The following RNGTT variants were observed in gnomAD, a reference collection of about 807,000 sequenced individuals.
RNGTT encodes mRNA-capping enzyme.
In RNGTT, 33 loss-of-function variants were observed where a neutral mutation model predicts 79.3. That is an observed-to-expected ratio of 0.42 (90% CI 0.32 to 0.56). The LOEUF is 0.56. Among genes scored for constraint, RNGTT ranks in the 20% least tolerant of loss-of-function variants. RNGTT has a pLI of 0.17. For missense variants in RNGTT, 497 were observed against 739.1 expected (o/e 0.67, Z 3.80); for synonymous variants, 222 against 235.9 (o/e 0.94, Z 0.54).
intron 14 of RNGTT, among the ~76,000 whole-genome samples, chr6:88,644,349 G>A (rs1185479120): frequency 2.0e-5 from 3 of 152,074 alleles, no homozygotes; most frequent in South Asian, 4.1e-4. Flanking sequence ...CTGAAATTGA[G>A]GCAATAATTA....
chr6:88,890,894 T>A (rs1410227606), intron 7 of RNGTT, among the ~76,000 whole-genome samples: 1 of 152,194 alleles, frequency 6.6e-6, no homozygotes, highest in Non-Finnish European at 1.5e-5. Context: ...TGTTTACAAG[T>A]CTTGTACTTC....
intron 13 of RNGTT, among the ~76,000 whole-genome samples, chr6:88,698,084 GATATATATATGAAATACATATATATGAT>G (rs1775764911): frequency 1.3e-5 from 1 of 75,864 alleles, no homozygotes; most frequent in African/African-American, 1.5e-4. Flanking sequence ...ACATATATAT[GATATATATATGAAATACATATATATGAT>G]ATATATATGA....
intron 1 of RNGTT, among the ~76,000 whole-genome samples, chr6:88,949,484 G>A (rs1009322136): frequency 5.9e-5 from 9 of 151,876 alleles, no homozygotes; most frequent in African/African-American, 1.9e-4. Context: ...GGCTGGTCTC[G>A]AACTCCTGAC....
chr6:88,924,796 T>C (rs1784269831), intron 4 of RNGTT, among the ~76,000 whole-genome samples: 2 of 148,962 alleles, frequency 1.3e-5, no homozygotes, highest in East Asian at 2.0e-4. Flanking sequence ...TGATCATACC[T>C]CACTATAGCC....
intron 4 of RNGTT, among the ~76,000 whole-genome samples, chr6:88,910,515 C>T (rs1488117374): frequency 1.3e-5 from 2 of 152,130 alleles, no homozygotes; most frequent in African/African-American, 2.4e-5. Context: ...AGTGACCAAA[C>T]CTACAACCCA....
At position 88,612,795 on chromosome 6, in the gene RNGTT, T is replaced by C. The variant is rs1349891620; in HGVS notation, c.1718A>G (p.Lys573Arg). ...GTCAGGGTCCAGATGATGTTTTCGC[T>C]TCTGTCCTTGAGAAGCTGCAGTACA... ...DRCTAASQGQ[K>R]RKHHLDPDTE... Residue 573 changes from lysine (K) to arginine (R), a missense_variant, in exon 16 of 16, where the codon AAG (lysine) becomes AGG (arginine). Physicochemically the swap from Lys to Arg is conservative, Grantham distance 26. Around this residue, in one of 3 missense-constraint regions of RNGTT, gnomAD observed 53 missense variants for 50.5 expected, o/e 1.05. Coordinates refer to ENST00000369485, the MANE Select transcript of RNGTT (RefSeq NM_003800.5). The C allele has an allele frequency of 6.2e-7, 1 of 1,613,528 alleles. No homozygotes were observed. Among genetic ancestry groups the C allele is most frequent in the East Asian group, 2.2e-5 (1 of 44,880 alleles).
rs375734478 is a variant in RNGTT, at chr6:88,767,593, T to C, written c.1439+2181A>G. 6.5e-5 allele frequency among the ~76,000 whole-genome samples: 9 copies of C among 138,800 alleles called. No individual in the cohort carries two copies. The East Asian group carries it at 1.1e-3, about 16-fold the overall frequency. 91.1% of individuals were successfully genotyped at this position (138,800 alleles called of 152,430 possible). On this transcript the variant is annotated intron_variant, in intron 13 of 15. Coordinates refer to ENST00000369485, the MANE Select transcript of RNGTT (RefSeq NM_003800.5). ...AATACAAATATAGCATTAAGAAAAA[T>C]AGAAGATTTAGTAATGAAGCAGTTT...
chr6:88,922,031 G>A (rs1377927951), intron 4 of RNGTT, among the ~76,000 whole-genome samples: 9 of 151,324 alleles, frequency 5.9e-5, no homozygotes, highest in Admixed American at 5.9e-4. Flanking sequence ...AGGAGTCTGA[G>A]GAACAACCAC....
rs1582281239 is a variant in RNGTT at position 88,651,561 on chromosome 6, T to C, written c.1506+26792A>G. On this transcript the variant is annotated intron_variant, in intron 14 of 15. Coordinates refer to ENST00000369485, the MANE Select transcript of RNGTT (RefSeq NM_003800.5). ...ATGTTTTTGGCTTTAAACAAATAAA[T>C]TATCCTGTTTTTCTTTTTCATATTA... 2.6e-5 allele frequency among the ~76,000 whole-genome samples: 4 copies of C among 152,054 alleles called. No homozygotes were observed. In the South Asian group the frequency reaches 8.3e-4, roughly 31 times the overall value.
intron 11 of RNGTT, among the ~76,000 whole-genome samples, chr6:88,827,354 A>G (rs377540777): frequency 7.9e-5 from 12 of 152,252 alleles, no homozygotes; most frequent in Admixed American, 5.9e-4. Flanking sequence ...CAGTGCACTC[A>G]GGCCCAGATA....
intron 13 of RNGTT, among the ~76,000 whole-genome samples, chr6:88,753,805 A>G (rs6927392): frequency 0.14 from 21,068 of 152,078 alleles, 1,595 homozygotes; most frequent in Middle Eastern, 0.24. Context: ...AAGAGCAGCA[A>G]AAACAGAGGA....
At chr6:88,818,521 G>C (rs1780399222) in intron 11 of RNGTT, among the ~76,000 whole-genome samples, 2 of 152,216 alleles carry the variant, frequency 1.3e-5, no homozygotes, top group Non-Finnish European at 2.9e-5. Context: ...GTTGCAGTGA[G>C]CCAAGATCCT....
At chr6:88,772,901 A>T (rs1351389076) in intron 12 of RNGTT, among the ~76,000 whole-genome samples, 4 of 152,124 alleles carry the variant, frequency 2.6e-5, no homozygotes, top group Admixed American at 6.5e-5. Flanking sequence ...CCATTGTGGA[A>T]GTCAGTGTGG....
intron 1 of RNGTT, among the ~76,000 whole-genome samples, chr6:88,945,702 A>G (rs1398636012): frequency 6.6e-6 from 1 of 152,186 alleles, no homozygotes; most frequent in Non-Finnish European, 1.5e-5. Context: ...TCCAGGACAC[A>G]ATGAAAGACT....
intron 14 of RNGTT, among the ~76,000 whole-genome samples, chr6:88,672,557 A>G (rs908545085): frequency 1.3e-5 from 2 of 152,124 alleles, no homozygotes; most frequent in African/African-American, 4.8e-5. Context: ...CTCAGGGGGA[A>G]GTGTGGGATG....
intron 13 of RNGTT, among the ~76,000 whole-genome samples, chr6:88,729,698 C>T (rs901189743): frequency 1.3e-5 from 2 of 152,114 alleles, no homozygotes; most frequent in African/African-American, 4.8e-5. Context: ...TAGGCTTAGA[C>T]ATGATATTAG....
chr6:88,818,436 A>G (rs1182686470), intron 11 of RNGTT, among the ~76,000 whole-genome samples: 1 of 151,998 alleles, frequency 6.6e-6, no homozygotes, highest in African/African-American at 2.4e-5. Context: ...TACAAAAATT[A>G]GCCAGGCATA....
chr6:88,819,292 A>C (rs1780425620), intron 11 of RNGTT, among the ~76,000 whole-genome samples: 1 of 152,172 alleles, frequency 6.6e-6, no homozygotes, highest in African/African-American at 2.4e-5. Context: ...GGAAGGTTTC[A>C]AGTAGAAATA....
chr6:88,615,364 G>A (rs1442099055), intron 14 of RNGTT, among the ~76,000 whole-genome samples: 1 of 152,106 alleles, frequency 6.6e-6, no homozygotes, highest in Admixed American at 6.5e-5. Context: ...CTTTCAATTC[G>A]CAGATTAGGC....
Sources: allele counts gnomAD v4.1 joint callset (sites outside exome capture counted in the v4.1 genomes callset), GRCh38; gene constraint gnomAD v4.1.1; regional missense constraint gnomAD v4.1.1; transcripts MANE v1.5; gene names NCBI Gene and HGNC (gene_info 2026-07-23, HGNC 2026-07-21).